Variants in KIF20B observed in about 807,000 individuals in gnomAD.
KIF20B encodes the protein kinesin family member 20B, also known as kinesin-like protein KIF20B.
A neutral mutation model predicts 232.5 loss-of-function variants in KIF20B; 188 were observed. The observed-to-expected ratio is 0.81, with a 90% CI of 0.72 to 0.91. KIF20B has a LOEUF of 0.91. KIF20B is among the 40% of genes least tolerant of loss of function. KIF20B has a pLI of 0.00. For missense variants in KIF20B, 2,154 were observed against 2,055.9 expected, an observed-to-expected ratio of 1.05 and a Z score of -0.92; for synonymous variants, 712 against 683.0, an observed-to-expected ratio of 1.04 and a Z score of -0.66.
At chr10:89,756,106 G>C (rs12268389) in intron 26 of KIF20B, among the ~76,000 whole-genome samples, 2,549 of 152,256 alleles carry the variant, frequency 0.017, 88 homozygotes, top group African/African-American at 0.058. Flanking sequence ...CTTGGTTGAA[G>C]TGTGTGTCCT....
chr10:89,767,640 T>G (rs567249656), intron 29 of KIF20B, among the ~76,000 whole-genome samples: 1 of 152,136 alleles, frequency 6.6e-6, no homozygotes, highest in Admixed American at 6.6e-5. Flanking sequence ...TGTAAAGGGC[T>G]TTGTCCTATG....
At chr10:89,755,948 T>G (rs1842111702) in intron 26 of KIF20B, among the ~76,000 whole-genome samples, 1 of 152,166 alleles carries the variant, frequency 6.6e-6, no homozygotes, top group Non-Finnish European at 1.5e-5. Flanking sequence ...TCCACTTTTT[T>G]TCTTCCCTAG....
intron 14 of KIF20B, among the ~76,000 whole-genome samples, chr10:89,724,677 C>G (rs556780564): frequency 6.6e-6 from 1 of 152,212 alleles, no homozygotes; most frequent in Admixed American, 6.5e-5. Flanking sequence ...TCTTGGCTCA[C>G]GGCAACCTGC....
At chr10:89,769,740 T>G (rs548267355) in intron 31 of KIF20B, among the ~76,000 whole-genome samples, 2 of 151,596 alleles carry the variant, frequency 1.3e-5, no homozygotes, top group South Asian at 4.2e-4. Context: ...ATCAGAAAAA[T>G]GTAGGAAATG....
chr10:89,751,899 AATGTT>A (rs1389319723), intron 24 of KIF20B, among the ~76,000 whole-genome samples: 1 of 152,006 alleles, frequency 6.6e-6, no homozygotes, highest in Non-Finnish European at 1.5e-5. Flanking sequence ...TACTAATAAA[AATGTT>A]ATGTGTGATT....
intron 29 of KIF20B, among the ~76,000 whole-genome samples, chr10:89,763,383 T>C (rs1381371735): frequency 2.0e-5 from 3 of 152,186 alleles, no homozygotes; most frequent in Admixed American, 6.5e-5. Context: ...ATACATCAAA[T>C]GATGGTGGAT....
chr10:89,766,513 C>G (rs981283148), intron 29 of KIF20B: 1 of 152,122 alleles, frequency 6.6e-6, no homozygotes, highest in Non-Finnish European at 1.5e-5. Context: ...AGCCAAGGCT[C>G]AAGAACTACG....
At chr10:89,714,127 G>A (rs1842889082) in intron 7 of KIF20B, 44 bp downstream of exon 7, 5 of 1,109,826 alleles carry the variant, frequency 4.5e-6, no homozygotes, top group Admixed American at 2.7e-5. Flanking sequence ...TCGATTATAT[G>A]AAGTACACTT....
chr10:89,710,974 T>C lies in KIF20B; in HGVS notation c.504T>C (p.Asn168=). 1.2e-6 allele frequency: 2 copies of C among 1,604,498 alleles called. No homozygotes were observed. Among genetic ancestry groups the C allele is most frequent in the Non-Finnish European group, 1.7e-6 (2 of 1,177,232 alleles). The change falls in exon 6 of 33, where the codon AAT becomes AAC. Residue 168 remains asparagine, a synonymous_variant. Transcript: ENST00000371728. The part of the protein sequence containing the change: ...KTYTFQGTEE[N]IGILPRTLNV... Reference sequence around the variant, plus strand: ...TTCCTTTTGCAGGGACAGAAGAAAATATTGGCATTCTGCCTCGAACTTTGA... The same window carrying C: ...TTCCTTTTGCAGGGACAGAAGAAAACATTGGCATTCTGCCTCGAACTTTGA...
Position 89,732,920 on chromosome 10 carries a change from T to A in KIF20B, c.2409T>A (p.Ser803=), listed in dbSNP as rs1256679934. The A allele has an allele frequency of 6.3e-7, 1 of 1,599,502 alleles. No homozygotes were observed. Among genetic ancestry groups the A allele is most frequent in the Non-Finnish European group, 8.5e-7 (1 of 1,172,384 alleles). The part of the protein sequence containing the change: ...TFKCNDKADT[S]SLIINNKLIC... ...TGCTTTAGGACAAGGCTGATACATC[T>A]TCTTTAATAATAAACAATAAATTGA... The change falls in exon 19 of 33, where the codon TCT becomes TCA. Residue 803 remains serine, a synonymous_variant. Transcript: ENST00000371728.
chr10:89,733,055 A>C lies in KIF20B; in HGVS notation c.2544A>C (p.Lys848Asn), dbSNP rs1395957162. 6.2e-7 allele frequency: 1 copy of C among 1,613,494 alleles called. No individual in the cohort carries two copies. Among genetic ancestry groups the C allele is most frequent in the East Asian group, 2.2e-5 (1 of 44,764 alleles). The change falls in exon 19 of 33, where the codon AAA becomes AAC. Residue 848 changes from lysine to asparagine, a missense_variant and splice_region_variant. By Grantham distance (94) the Lys-to-Asn change is moderately conservative. Coordinates refer to ENST00000371728, the MANE Select transcript of KIF20B (RefSeq NM_001284259.2). ...ELQQDEPPAK[K>N]GSIHVSSAIT... ...AGCAAGATGAACCACCAGCAAAGAA[A>C]GGTACTACTTCAGCTGCCAGCAGCA...
intron 2 of KIF20B, among the ~76,000 whole-genome samples, chr10:89,708,576 T>TG (rs1300517005): frequency 3.3e-5 from 5 of 151,154 alleles, no homozygotes; most frequent in Middle Eastern, 3.4e-3. Flanking sequence ...TTTTTTTTTT[T>TG]GTGGCATTAT....
intron 18 of KIF20B, among the ~76,000 whole-genome samples, chr10:89,729,874 A>T (rs960878308): frequency 2.0e-5 from 3 of 152,158 alleles, no homozygotes; most frequent in African/African-American, 7.2e-5. Context: ...CCTTCAAATT[A>T]TTCTTTTATT....
chr10:89,771,546 C>T (rs1215832887), intron 31 of KIF20B, among the ~76,000 whole-genome samples: 1 of 152,048 alleles, frequency 6.6e-6, no homozygotes, highest in Non-Finnish European at 1.5e-5. Context: ...GATCCAGCAT[C>T]CCCCAAGCTA....
Position 89,739,059 on chromosome 10 carries a change from C to G in KIF20B, c.3878C>G (p.Thr1293Ser), listed in dbSNP as rs529232609. 149 of 1,613,100 alleles carry G rather than the reference C, an allele frequency of 9.2e-5. 1 individual carries two copies. In the South Asian group the frequency reaches 1.6e-3, roughly 17 times the overall value. The change falls in exon 21 of 33, where the codon ACT becomes AGT. Residue 1293 changes from threonine (T) to serine (S), a missense_variant. Coordinates refer to ENST00000371728, the MANE Select transcript of KIF20B (RefSeq NM_001284259.2). The stretch of plus-strand genomic sequence containing the variant: ...TATGCTGACCTGAAAGAGAAACTGA[C>G]TGATGCCAAAAAGCAGATTAAGCAA... ...EDYADLKEKL[T>S]DAKKQIKQVQ...
intron 22 of KIF20B, among the ~76,000 whole-genome samples, chr10:89,744,332 A>T (rs1194744023): frequency 1.3e-5 from 2 of 152,198 alleles, no homozygotes; most frequent in Non-Finnish European, 2.9e-5. Flanking sequence ...AAAAAACATT[A>T]GACAAACCCA....
intron 19 of KIF20B, among the ~76,000 whole-genome samples, chr10:89,734,389 C>T (rs928351034): frequency 6.6e-6 from 1 of 151,966 alleles, no homozygotes; most frequent in Non-Finnish European, 1.5e-5. Flanking sequence ...CCAGCCAGGG[C>T]AACAAGAGTG....
chr10:89,741,220 G>A (rs543659694), intron 21 of KIF20B, among the ~76,000 whole-genome samples: 2 of 152,124 alleles, frequency 1.3e-5, no homozygotes, highest in African/African-American at 4.8e-5. Context: ...TTCACAATAG[G>A]GTTTGCACTC....
intron 22 of KIF20B, 67 bp downstream of exon 22, chr10:89,743,994 G>T: frequency 2.3e-6 from 3 of 1,321,910 alleles, no homozygotes; most frequent in Non-Finnish European, 3.1e-6. Context: ...GTACAAAAAG[G>T]TACAAATTTG....
Sources: gnomAD v4.1 joint callset for allele counts (sites outside exome capture counted in the v4.1 genomes callset) on GRCh38, gnomAD v4.1.1 for gene constraint, MANE v1.5 for transcripts, NCBI Gene and HGNC (gene_info 2026-07-23, HGNC 2026-07-21) for gene names.